The following ADARB2 variants were observed in gnomAD, a reference collection of about 807,000 sequenced individuals.
ADARB2 encodes the protein inactive double-stranded RNA-specific editase B2.
ADARB2 carries 25 observed loss-of-function variants against 62.2 expected under a neutral mutation model. The ratio of observed to expected loss-of-function variants is 0.40; its 90% CI spans 0.29 to 0.56. The LOEUF is 0.56. Among genes scored for constraint, ADARB2 ranks in the 20% least tolerant of loss-of-function variants. The pLI, the probability that ADARB2 is intolerant of heterozygous loss-of-function variation, is 0.43. For missense variants in ADARB2, 1,071 were observed against 1,077.4 expected (o/e 0.99, Z 0.08); for synonymous variants, 572 against 500.8 (o/e 1.14, Z -1.90).
Position 1,188,350 on chromosome 10 carries a change from C to T in ADARB2, c.1865-3311G>A, listed in dbSNP as rs190821519. On this transcript the variant is annotated intron_variant, in intron 8 of 9. Coordinates refer to ENST00000381312, the MANE Select transcript of ADARB2 (RefSeq NM_018702.4). ...ATGTTTCTAGTTAGATCACAGGGAA[C>T]ATTTCCAACTTAGTTACAATCACCT... The T allele has an allele frequency of 2.6e-5, 4 of 152,396 alleles. No individual in the cohort carries two copies. In the East Asian group the frequency reaches 5.8e-4, roughly 22 times the overall value. The allele number at this position is 152,396 out of a possible 1,614,324, so 9.4% of individuals were successfully genotyped here. A position where few individuals can be genotyped will look rare whatever the true frequency, so the allele number is the denominator to read the frequency against.
In ADARB2 at chr10:1,672,111, A is replaced by G. The variant is rs575175981; in HGVS notation, c.100+64940T>C. ...TGAGGTGGGCATCAAGCAGAGCCCTACCCCATCCCCGAGAGTCAGTATGTG... is the reference window on the plus strand; with the variant it reads ...TGAGGTGGGCATCAAGCAGAGCCCTGCCCCATCCCCGAGAGTCAGTATGTG... On this transcript the variant is annotated intron_variant, in intron 1 of 9. Coordinates refer to ENST00000381312, the MANE Select transcript of ADARB2 (RefSeq NM_018702.4). Among the ~76,000 whole-genome samples, 5 of 148,648 alleles carry G rather than the reference A, an allele frequency of 3.4e-5. No homozygotes were observed. In the East Asian group the frequency reaches 8.2e-4, roughly 24 times the overall value.
chr10:1,500,446 G>T (rs577127841), intron 1 of ADARB2, among the ~76,000 whole-genome samples: 1 of 152,160 alleles, frequency 6.6e-6, no homozygotes, highest in Admixed American at 6.5e-5. Context: ...TGCCAAAAAG[G>T]CCGCATGACA....
intron 1 of ADARB2, among the ~76,000 whole-genome samples, chr10:1,448,451 T>C (rs1405320795): frequency 6.6e-6 from 1 of 152,240 alleles, no homozygotes; most frequent in African/African-American, 2.4e-5. Flanking sequence ...CTATTCAGCA[T>C]AGAGCTGCTG....
chr10:1,666,057 C>A (rs563407177), intron 1 of ADARB2, among the ~76,000 whole-genome samples: 27 of 131,384 alleles, frequency 2.1e-4, no homozygotes, highest in African/African-American at 6.8e-4. Context: ...AGGCTCCAGG[C>A]TGAGACCAGC....
chr10:1,491,809 G>A (rs559324938), intron 1 of ADARB2, among the ~76,000 whole-genome samples: 2 of 152,304 alleles, frequency 1.3e-5, no homozygotes, highest in South Asian at 2.1e-4. Context: ...TTCTGTCTCC[G>A]CTGTTCATGG....
chr10:1,217,244 G>A (rs1830637501), intron 6 of ADARB2, 125 bp from the exon 7 acceptor site: 5 of 981,078 alleles, frequency 5.1e-6, no homozygotes, highest in Admixed American at 3.0e-5. Context: ...CGTTTGGCAC[G>A]AGGAAGGGGC....
At chr10:1,484,453 G>A (rs1467170704) in intron 1 of ADARB2, among the ~76,000 whole-genome samples, 1 of 152,334 alleles carries the variant, frequency 6.6e-6, no homozygotes, top group East Asian at 1.9e-4. Flanking sequence ...CCCTGTCCAC[G>A]CTGTCGTCCC....
intron 1 of ADARB2, among the ~76,000 whole-genome samples, chr10:1,615,508 C>T (rs1227496771): frequency 2.0e-5 from 3 of 152,186 alleles, no homozygotes; most frequent in African/African-American, 4.8e-5. Context: ...ATTGTCCACC[C>T]GGGAGAGTGT....
chr10:1,491,033 T>C (rs1831615214), intron 1 of ADARB2, among the ~76,000 whole-genome samples: 3 of 152,214 alleles, frequency 2.0e-5, no homozygotes, highest in African/African-American at 7.2e-5. Context: ...TCTGCAGTCC[T>C]CACAATTTTA....
At chr10:1,723,520 G>GT (rs1246326186) in intron 1 of ADARB2, among the ~76,000 whole-genome samples, 2 of 152,338 alleles carry the variant, frequency 1.3e-5, no homozygotes, top group Admixed American at 1.3e-4. Context: ...ACACAGTTTA[G>GT]TTGATGGTGT....
intron 1 of ADARB2, among the ~76,000 whole-genome samples, chr10:1,448,256 A>G (rs1830995313): frequency 6.6e-6 from 1 of 152,214 alleles, no homozygotes; most frequent in African/African-American, 2.4e-5. Flanking sequence ...TTGGGCTGAC[A>G]GGCTCTCTCT....
chr10:1,655,681 AAAG>A (rs1159512034), intron 1 of ADARB2, among the ~76,000 whole-genome samples: 1 of 152,214 alleles, frequency 6.6e-6, no homozygotes, highest in Non-Finnish European at 1.5e-5. Flanking sequence ...TTAAAAAAAA[AAAG>A]AAAACTGGAA....
intron 8 of ADARB2, among the ~76,000 whole-genome samples, chr10:1,194,700 A>G (rs987496628): frequency 1.3e-5 from 2 of 152,132 alleles, no homozygotes; most frequent in African/African-American, 4.8e-5. Flanking sequence ...TGTTAAACAA[A>G]TTATTTTATT....
At chr10:1,514,607 A>G (rs539486787) in intron 1 of ADARB2, among the ~76,000 whole-genome samples, 19 of 151,910 alleles carry the variant, frequency 1.3e-4, no homozygotes, top group Non-Finnish European at 2.4e-4. Context: ...CTGGCCTCCT[A>G]TGGCCTTGGA....
intron 1 of ADARB2, among the ~76,000 whole-genome samples, chr10:1,479,503 A>C (rs990780172): frequency 6.6e-6 from 1 of 152,152 alleles, no homozygotes; most frequent in South Asian, 2.1e-4. Context: ...CTCACAGCCT[A>C]GCTTTTGATT....
At chr10:1,490,275 C>A (rs1831602736) in intron 1 of ADARB2, among the ~76,000 whole-genome samples, 1 of 151,892 alleles carries the variant, frequency 6.6e-6, no homozygotes, top group Non-Finnish European at 1.5e-5. Flanking sequence ...TAATAGCAGG[C>A]AATAGTATAC....
At chr10:1,610,748 GCACACACA>G (rs56043096) in intron 1 of ADARB2, among the ~76,000 whole-genome samples, 19 of 150,334 alleles carry the variant, frequency 1.3e-4, no homozygotes, top group South Asian at 4.2e-4. Context: ...ATGGGCAGGC[GCACACACA>G]CACACACACA....
intron 1 of ADARB2, among the ~76,000 whole-genome samples, chr10:1,497,723 T>C (rs1404335390): frequency 2.6e-5 from 4 of 152,242 alleles, no homozygotes; most frequent in Non-Finnish European, 5.9e-5. Flanking sequence ...TATATATAAA[T>C]GTCACTTCTA....
At chr10:1,632,660 G>A (rs1396048923) in intron 1 of ADARB2, among the ~76,000 whole-genome samples, 1 of 152,212 alleles carries the variant, frequency 6.6e-6, no homozygotes, top group African/African-American at 2.4e-5. Flanking sequence ...AAGGACTGAT[G>A]GCAGATCCTC....
Sources: allele counts gnomAD v4.1 joint callset (sites outside exome capture counted in the v4.1 genomes callset), GRCh38; gene constraint gnomAD v4.1.1; transcripts MANE v1.5; gene names NCBI Gene and HGNC (gene_info 2026-07-23, HGNC 2026-07-21).